Variants in RFTN1 observed in about 807,000 individuals in gnomAD.
The protein encoded by RFTN1 is raftlin.
RFTN1 carries 26 observed loss-of-function variants against 46.5 expected under a neutral mutation model. The ratio of observed to expected loss-of-function variants is 0.56; its 90% CI spans 0.41 to 0.78. The LOEUF is 0.78. RFTN1 is among the 30% of genes least tolerant of loss of function. The probability of loss-of-function intolerance (pLI) is 0.00; values close to 1 mark genes in which losing one functional copy is unlikely to be tolerated. For missense variants in RFTN1, 693 were observed against 718.7 expected (o/e 0.96, Z 0.41); for synonymous variants, 261 against 284.2 (o/e 0.92, Z 0.82).
rs2075308233 is a variant in RFTN1 at position 16,427,491 on chromosome 3, G to A, written c.332+6360C>T. ...CTCTTGCATCACTTGACCCTGGGTG[G>A]ACAAGGCTGACTCATTCAGTCATCT... On this transcript the variant is annotated intron_variant, in intron 3 of 9. Transcript: ENST00000334133. The surrounding 1 kb of genome is among the most constrained non-coding windows in gnomAD (Gnocchi z 5.4). 6.6e-6 allele frequency among the ~76,000 whole-genome samples: 1 copy of A among 152,206 alleles called. No homozygotes were observed. Among genetic ancestry groups the A allele is most frequent in the South Asian group, 2.1e-4 (1 of 4,826 alleles).
chr3:16,453,055 T>C (rs1352879461), intron 2 of RFTN1, among the ~76,000 whole-genome samples: 1 of 152,246 alleles, frequency 6.6e-6, no homozygotes, highest in Non-Finnish European at 1.5e-5. Flanking sequence ...TTGTTTTATA[T>C]GCTTTACAAG....
At chr3:16,357,130 AAAAAAAC>A (rs2072497886) in intron 7 of RFTN1, among the ~76,000 whole-genome samples, 3 of 62,360 alleles carry the variant, frequency 4.8e-5, no homozygotes, top group South Asian at 3.3e-4. Context: ...AAAAAAAAAC[AAAAAAAC>A]AAACAAACAA....
At position 16,355,744 on chromosome 3, in the gene RFTN1, G is replaced by A. The variant is rs575401513; in HGVS notation, c.1146+2188C>T. On this transcript the variant is annotated intron_variant, in intron 7 of 9. Transcript: ENST00000334133. ...CACCCCCGGAGGGTTCAGCAGATCT[G>A]GAGTGGGGCCCAAGAATCTGCATTT... 5.9e-5 allele frequency among the ~76,000 whole-genome samples: 9 copies of A among 152,330 alleles called. No homozygotes were observed. In the South Asian group the frequency reaches 1.5e-3, roughly 25 times the overall value.
rs780336788 is a variant in RFTN1 at position 16,442,633 on chromosome 3, G to A, written c.146-8596C>T. On this transcript the variant is annotated intron_variant, in intron 2 of 9. Coordinates refer to ENST00000334133, the MANE Select transcript of RFTN1 (RefSeq NM_015150.2). The surrounding 1 kb of genome is among the most constrained non-coding windows in gnomAD (Gnocchi z 4.1). ...TTCCCTGAGCAGATCTCCAGTACGC[G>A]ATGTTATTAGCTATAGTCCCCATGT... Among the ~76,000 whole-genome samples, 8 of 151,998 alleles carry A rather than the reference G, an allele frequency of 5.3e-5. No individual in the cohort carries two copies. Among genetic ancestry groups the A allele is most frequent in the Non-Finnish European group, 8.8e-5 (6 of 68,008 alleles).
Position 16,352,298 on chromosome 3 carries a change from G to T in RFTN1, c.1146+5634C>A, listed in dbSNP as rs2072154016. On this transcript the variant is annotated intron_variant, in intron 7 of 9. Transcript: ENST00000334133. This position sits in a 1 kb window ranked among gnomAD's most constrained non-coding sequence, Gnocchi z 4.6. ...GGCTCTATGGCTCAGGTAGCACCTG[G>T]TGGTGTCTATAAGCTCTGATGGGCT... Among the ~76,000 whole-genome samples, 1 of 152,220 alleles carries T rather than the reference G, an allele frequency of 6.6e-6. No individual in the cohort carries two copies. The highest frequency in any genetic ancestry group is 1.5e-5 in the Non-Finnish European group (1 of 68,040).
chr3:16,364,208 A>G (rs1303894031), intron 6 of RFTN1, among the ~76,000 whole-genome samples: 1 of 152,248 alleles, frequency 6.6e-6, no homozygotes, highest in African/African-American at 2.4e-5. Flanking sequence ...TAGGGAAGAA[A>G]CATTCTGATT....
chr3:16,436,005 G>A (rs1349896937), intron 2 of RFTN1, among the ~76,000 whole-genome samples: 1 of 150,164 alleles, frequency 6.7e-6, no homozygotes, highest in Non-Finnish European at 1.5e-5. Context: ...CCCCCATAGA[G>A]TATTATGGAT....
chr3:16,388,028 G>A (rs17042202), intron 4 of RFTN1, among the ~76,000 whole-genome samples: 5 of 152,140 alleles, frequency 3.3e-5, no homozygotes, highest in African/African-American at 7.2e-5. Context: ...ACTCTCCAAC[G>A]ATGTCCCATT....
chr3:16,409,289 T>C, intron 4 of RFTN1, 86 bp downstream of exon 4: 1 of 901,464 alleles, frequency 1.1e-6, no homozygotes. Flanking sequence ...TGAGTGTGGC[T>C]GATCTGTCCT....
Position 16,382,424 on chromosome 3 carries a change from CT to C in RFTN1, c.442-4323del, listed in dbSNP as rs747883948. Among the ~76,000 whole-genome samples the C allele has an allele frequency of 1.3e-5, 2 of 152,148 alleles. No individual in the cohort carries two copies. The highest frequency in any genetic ancestry group is 2.9e-5 in the Non-Finnish European group (2 of 68,044). On this transcript the variant is annotated intron_variant, in intron 4 of 9. Coordinates refer to ENST00000334133, the MANE Select transcript of RFTN1 (RefSeq NM_015150.2). The surrounding 1 kb of genome is among the most constrained non-coding windows in gnomAD (Gnocchi z 4.7). ...TGCTTCTCATTCTTGCATTTATAAC[CT>C]TTACTGAGCCAGTCTCACATTCATC...
chr3:16,392,911 A>G (rs919507491), intron 4 of RFTN1, among the ~76,000 whole-genome samples: 7 of 152,168 alleles, frequency 4.6e-5, no homozygotes, highest in African/African-American at 1.7e-4. Context: ...AACCCTCTGT[A>G]CTTTATCTTC....
At chr3:16,324,620 C>CCCCA (rs971398885) in intron 8 of RFTN1, among the ~76,000 whole-genome samples, 2 of 142,888 alleles carry the variant, frequency 1.4e-5, no homozygotes, top group African/African-American at 5.2e-5. Flanking sequence ...CTGACCCCCC[C>CCCCA]CCTTTTAAGG....
At position 16,374,489 on chromosome 3, in the gene RFTN1, T is replaced by TG. The variant is rs1323567093; in HGVS notation, c.826+3228dup. On this transcript the variant is annotated intron_variant, in intron 5 of 9. Transcript: ENST00000334133. The surrounding 1 kb of genome is among the most constrained non-coding windows in gnomAD (Gnocchi z 5.4). Reference sequence around the variant, plus strand: ...TCAGGAAAGCCCAACCCCCAGGTTTTGGCCATTCACAATGAGCTGGCAGCC... The same window carrying TG: ...TCAGGAAAGCCCAACCCCCAGGTTTTGGGCCATTCACAATGAGCTGGCAGCC... Among the ~76,000 whole-genome samples the TG allele has an allele frequency of 6.6e-6, 1 of 152,190 alleles. No individual in the cohort carries two copies. Among genetic ancestry groups the TG allele is most frequent in the African/African-American group, 2.4e-5 (1 of 41,454 alleles).
intron 7 of RFTN1, among the ~76,000 whole-genome samples, chr3:16,350,550 G>C (rs1158838028): frequency 1.3e-5 from 2 of 151,698 alleles, no homozygotes; most frequent in East Asian, 3.9e-4. Context: ...CTGTAAACAG[G>C]TGTGTAACTG....
chr3:16,432,234 T>G (rs989978421), intron 3 of RFTN1, among the ~76,000 whole-genome samples: 3 of 152,106 alleles, frequency 2.0e-5, no homozygotes, highest in Non-Finnish European at 4.4e-5. Context: ...GAACCAATAA[T>G]GGACTGGGCG....
chr3:16,362,385 T>C (rs2072889067), intron 6 of RFTN1, among the ~76,000 whole-genome samples: 1 of 152,178 alleles, frequency 6.6e-6, no homozygotes, highest in Non-Finnish European at 1.5e-5. Flanking sequence ...TCATAGGTTA[T>C]CAGGGAAAAA....
At chr3:16,417,015 T>C (rs995374764) in intron 3 of RFTN1, among the ~76,000 whole-genome samples, 2 of 149,896 alleles carry the variant, frequency 1.3e-5, no homozygotes, top group Non-Finnish European at 3.0e-5. Flanking sequence ...TTTTCTTTTT[T>C]TTTTTTTTTT....
At position 16,346,446 on chromosome 3, in the gene RFTN1, G is replaced by A. The variant is rs1302250093; in HGVS notation, c.1146+11486C>T. The A allele has an allele frequency of 6.6e-6, 1 of 152,180 alleles. No individual in the cohort carries two copies. Among genetic ancestry groups the A allele is most frequent in the Non-Finnish European group, 1.5e-5 (1 of 68,048 alleles). The allele number at this position is 152,180 out of a possible 1,614,324, so 9.4% of individuals were successfully genotyped here. On this transcript the variant is annotated intron_variant, in intron 7 of 9. Transcript: ENST00000334133. This position sits in a 1 kb window ranked among gnomAD's most constrained non-coding sequence, Gnocchi z 4.4. ...GATTAAAGGTCAAATACTTCCTTTTGTCATCTCATTATCCAAACCGTCAAC... is the reference window on the plus strand; with the variant it reads ...GATTAAAGGTCAAATACTTCCTTTTATCATCTCATTATCCAAACCGTCAAC...
At chr3:16,324,611 T>G (rs2069473373) in intron 8 of RFTN1, among the ~76,000 whole-genome samples, 2 of 94,744 alleles carry the variant, frequency 2.1e-5, no homozygotes, top group Admixed American at 1.1e-4. Flanking sequence ...AGAATGTCCC[T>G]GACCCCCCCC....
Sources: gnomAD v4.1 joint callset for allele counts (sites outside exome capture counted in the v4.1 genomes callset) on GRCh38, gnomAD v4.1.1 for gene constraint, Gnocchi (gnomAD v3.1) non-coding constraint, MANE v1.5 for transcripts, NCBI Gene and HGNC (gene_info 2026-07-23, HGNC 2026-07-21) for gene names.